Variants in FAT3 observed in about 807,000 individuals in gnomAD.
FAT3 encodes protocadherin Fat 3.
Under a neutral mutation model 310.2 loss-of-function variants are expected in FAT3, and 95 were observed. The ratio of observed to expected loss-of-function variants is 0.31; its 90% CI spans 0.26 to 0.36. The LOEUF (loss-of-function observed/expected upper bound fraction) is 0.36. Among genes scored for constraint, FAT3 ranks in the 10% least tolerant of loss-of-function variants. The pLI, the probability that FAT3 is intolerant of heterozygous loss-of-function variation, is 1.00. For missense variants in FAT3, 5,408 were observed against 5,715.6 expected (o/e 0.95, Z 1.74); for synonymous variants, 2,314 against 2,192.9 (o/e 1.06, Z -1.54).
chr11:92,764,238 T>A (rs1009066768), intron 5 of FAT3, among the ~76,000 whole-genome samples: 5 of 152,058 alleles, frequency 3.3e-5, no homozygotes, highest in Non-Finnish European at 7.4e-5. Context: ...GACTGTGCTA[T>A]CGAGAGAGTT....
At chr11:92,381,061 G>GT (rs1949483236) in intron 2 of FAT3, among the ~76,000 whole-genome samples, 1 of 152,058 alleles carries the variant, frequency 6.6e-6, no homozygotes, top group African/African-American at 2.4e-5. Flanking sequence ...TGACCAGTCT[G>GT]TTTCCTCTCT....
chr11:92,368,993 T>C (rs990789069), intron 2 of FAT3, among the ~76,000 whole-genome samples: 9 of 151,922 alleles, frequency 5.9e-5, no homozygotes, highest in African/African-American at 2.2e-4. Context: ...ATGTATGGAA[T>C]TGAAGATGAG....
chr11:92,571,423 A>C (rs1393899145), intron 3 of FAT3, among the ~76,000 whole-genome samples: 2 of 152,156 alleles, frequency 1.3e-5, no homozygotes, highest in Non-Finnish European at 2.9e-5. Flanking sequence ...CCTGCACCTC[A>C]CACCCAACAG....
intron 3 of FAT3, among the ~76,000 whole-genome samples, chr11:92,695,902 A>C (rs1943923254): frequency 6.6e-6 from 1 of 152,216 alleles, no homozygotes; most frequent in African/African-American, 2.4e-5. Context: ...ATCTGAGCTA[A>C]ACTTAAAAAA....
Position 92,404,188 on chromosome 11 carries a change from T to C in FAT3, c.3292+48784T>C, listed in dbSNP as rs544440090. On this transcript the variant is annotated intron_variant, in intron 2 of 27. Transcript: ENST00000525166. Reference sequence around the variant, plus strand: ...TCAACAAATATCAAGGATCTGTATATGTCAGTCCCTACACTACCACAGAGA... The same window carrying C: ...TCAACAAATATCAAGGATCTGTATACGTCAGTCCCTACACTACCACAGAGA... Among the ~76,000 whole-genome samples, 3 of 152,038 alleles carry C rather than the reference T, an allele frequency of 2.0e-5. No homozygotes were observed. The South Asian group carries it at 6.2e-4, about 32-fold the overall frequency.
chr11:92,633,961 A>G (rs1214005912), intron 3 of FAT3, among the ~76,000 whole-genome samples: 1 of 152,190 alleles, frequency 6.6e-6, no homozygotes, highest in Non-Finnish European at 1.5e-5. Context: ...ATATTAAATG[A>G]ACAGTTCCAA....
At chr11:92,690,666 G>A (rs896924871) in intron 3 of FAT3, among the ~76,000 whole-genome samples, 4 of 152,066 alleles carry the variant, frequency 2.6e-5, no homozygotes, top group South Asian at 2.1e-4. Flanking sequence ...TTAAGGAAAT[G>A]TGATACAACT....
intron 10 of FAT3, among the ~76,000 whole-genome samples, chr11:92,803,626 G>A (rs1947426377): frequency 6.6e-6 from 1 of 152,200 alleles, no homozygotes; most frequent in African/African-American, 2.4e-5. Flanking sequence ...TCTTTGCTGA[G>A]GAAGGCTGTC....
At chr11:92,488,381 A>G (rs1419086521) in intron 2 of FAT3, among the ~76,000 whole-genome samples, 3 of 149,466 alleles carry the variant, frequency 2.0e-5, no homozygotes, top group African/African-American at 7.4e-5. Context: ...CTATGAAATG[A>G]TAAATATTTT....
chr11:92,801,895 G>C lies in FAT3; in HGVS notation c.8882G>C (p.Ser2961Thr). Residue 2961 changes from serine (S) to threonine (T), a missense_variant, in exon 10 of 28, where the codon AGC becomes ACC. Transcript: ENST00000525166. Reference protein sequence around the residue: ...RDTSDVNRQVSYHITGGNPRG... With the variant: ...RDTSDVNRQVTYHITGGNPRG... Reference sequence around the variant, plus strand: ...ACATCCGACGTTAATCGCCAAGTGAGCTACCATATTACAGGTGAGTAAATA... The same window carrying C: ...ACATCCGACGTTAATCGCCAAGTGACCTACCATATTACAGGTGAGTAAATA... 1 of 1,613,662 alleles carries C rather than the reference G, an allele frequency of 6.2e-7. No individual in the cohort carries two copies. The highest frequency in any genetic ancestry group is 8.5e-7 in the Non-Finnish European group (1 of 1,179,692).
At chr11:92,484,319 A>C (rs1448647770) in intron 2 of FAT3, among the ~76,000 whole-genome samples, 1 of 152,132 alleles carries the variant, frequency 6.6e-6, no homozygotes, top group Non-Finnish European at 1.5e-5. Flanking sequence ...CCATAAAGCA[A>C]ATTTTTCAGT....
At position 92,521,377 on chromosome 11, in the gene FAT3, G is replaced by GA. The variant is rs551118806; in HGVS notation, c.3293-3251dup. Among the ~76,000 whole-genome samples the GA allele has an allele frequency of 2.3e-4, 35 of 152,244 alleles. 1 individual carries two copies. The South Asian group carries it at 7.1e-3, about 31-fold the overall frequency. Reference sequence around the variant, plus strand: ...GTGAGAATGGCACATGACCAGAGAAGAAAAAACATCTGGCATGACAATTCA... The same window carrying GA: ...GTGAGAATGGCACATGACCAGAGAAGAAAAAAACATCTGGCATGACAATTCA... On this transcript the variant is annotated intron_variant, in intron 2 of 27. Coordinates refer to ENST00000525166, the MANE Select transcript of FAT3 (RefSeq NM_001367949.2).
At chr11:92,749,783 A>G (rs928140865) in intron 4 of FAT3, among the ~76,000 whole-genome samples, 2 of 152,210 alleles carry the variant, frequency 1.3e-5, no homozygotes, top group African/African-American at 4.8e-5. Context: ...TCTTTACTAC[A>G]ATTAATTTTC....
At chr11:92,415,308 T>G (rs1950383522) in intron 2 of FAT3, among the ~76,000 whole-genome samples, 1 of 152,206 alleles carries the variant, frequency 6.6e-6, no homozygotes, top group African/African-American at 2.4e-5. Context: ...GCTGAGGACA[T>G]TCCACAGATT....
intron 3 of FAT3, among the ~76,000 whole-genome samples, chr11:92,538,672 G>T (rs769779235): frequency 1.3e-5 from 2 of 152,068 alleles, no homozygotes; most frequent in African/African-American, 2.4e-5. Context: ...TAGGCACAGG[G>T]TGTACAAGGA....
rs78791720 is a variant in FAT3, at chr11:92,806,490, T to C, written c.9222T>C (p.Ser3074=). 3.9e-3 allele frequency: 6,096 copies of C among 1,550,662 alleles called. 212 individuals carry two copies. In the African/African-American group the frequency reaches 0.073, roughly 19 times the overall value. The change falls in exon 12 of 28, where the codon AGT becomes AGC. Residue 3074 remains serine (S), a synonymous_variant. Coordinates refer to ENST00000525166, the MANE Select transcript of FAT3 (RefSeq NM_001367949.2). ...IRYSLYGSGN[S]EFFLDPESGE... ...ACTCACTCTATGGATCTGGAAACAG[T>C]GAATTTTTTCTAGATCCAGAAAGTG...
intron 1 of FAT3, among the ~76,000 whole-genome samples, chr11:92,289,106 C>A (rs11827264): frequency 1.3e-3 from 198 of 152,182 alleles, no homozygotes; most frequent in African/African-American, 4.6e-3. Context: ...TGAAAAGAAT[C>A]ATAAATATCC....
chr11:92,242,057 C>T (rs758616644), intron 1 of FAT3, among the ~76,000 whole-genome samples: 1 of 151,958 alleles, frequency 6.6e-6, no homozygotes, highest in African/African-American at 2.4e-5. Flanking sequence ...CATCTTACAC[C>T]GTGATCTCCT....
intron 13 of FAT3, among the ~76,000 whole-genome samples, chr11:92,819,824 T>A (rs1180581782): frequency 1.3e-5 from 2 of 152,100 alleles, no homozygotes; most frequent in African/African-American, 2.4e-5. Context: ...AAACCACAGG[T>A]GCTGTTCATA....
Sources: gnomAD v4.1 joint callset for allele counts (sites outside exome capture counted in the v4.1 genomes callset) on GRCh38, gnomAD v4.1.1 for gene constraint, MANE v1.5 for transcripts, NCBI Gene and HGNC (gene_info 2026-07-23, HGNC 2026-07-21) for gene names.